Variants in VSNL1 observed in about 807,000 individuals in gnomAD.
VSNL1 encodes the protein visinin like 1.
In VSNL1, 6 loss-of-function variants were observed where a neutral mutation model predicts 20.4. The observed-to-expected ratio is 0.29, with a 90% confidence interval of 0.16 to 0.58. VSNL1 has a LOEUF of 0.58. Ranked by LOEUF, VSNL1 falls within the 20% of genes least tolerant of loss-of-function variation. VSNL1 has a pLI of 0.90. For missense variants in VSNL1, 100 were observed against 234.5 expected (o/e 0.43, Z 3.75); for synonymous variants, 93 against 86.4 (o/e 1.08, Z -0.42).
At chr2:17,566,400 T>C (rs1362168209) in intron 1 of VSNL1, among the ~76,000 whole-genome samples, 1 of 152,208 alleles carries the variant, frequency 6.6e-6, no homozygotes, top group African/African-American at 2.4e-5. Flanking sequence ...GCTCTACATC[T>C]TTGCAGTCAT....
At chr2:17,651,349 A>T (rs1207340714) in intron 3 of VSNL1, among the ~76,000 whole-genome samples, 3 of 152,088 alleles carry the variant, frequency 2.0e-5, no homozygotes, top group Non-Finnish European at 4.4e-5. Flanking sequence ...TGATTTGGGG[A>T]GGGTTCGGAG....
chr2:17,622,129 A>G (rs1665372804), intron 2 of VSNL1, among the ~76,000 whole-genome samples: 2 of 151,612 alleles, frequency 1.3e-5, no homozygotes, highest in Non-Finnish European at 2.9e-5. Flanking sequence ...ATCCAGAGGT[A>G]TTCCAAAGCA....
At chr2:17,620,187 G>A (rs1558302735) in intron 2 of VSNL1, among the ~76,000 whole-genome samples, 1 of 152,196 alleles carries the variant, frequency 6.6e-6, no homozygotes, top group South Asian at 2.1e-4. Flanking sequence ...TAATGTGTCC[G>A]TCAGGCAGAG....
At chr2:17,558,042 T>C (rs1475134888) in intron 1 of VSNL1, among the ~76,000 whole-genome samples, 2 of 151,750 alleles carry the variant, frequency 1.3e-5, no homozygotes, top group Non-Finnish European at 2.9e-5. Flanking sequence ...GGATTGGAGG[T>C]GAGATGAATT....
chr2:17,648,315 G>C (rs1666041918), intron 2 of VSNL1, among the ~76,000 whole-genome samples: 1 of 152,220 alleles, frequency 6.6e-6, no homozygotes, highest in Non-Finnish European at 1.5e-5. Context: ...GCAGGACCCA[G>C]GTCAGGATGC....
intron 1 of VSNL1, among the ~76,000 whole-genome samples, chr2:17,563,076 C>T (rs964933538): frequency 1.3e-5 from 2 of 151,362 alleles, no homozygotes; most frequent in African/African-American, 4.9e-5. Flanking sequence ...ACAACAACAA[C>T]AAAAAAAGGG....
At chr2:17,564,059 T>C (rs1027416528) in intron 1 of VSNL1, among the ~76,000 whole-genome samples, 7 of 152,158 alleles carry the variant, frequency 4.6e-5, no homozygotes, top group African/African-American at 1.7e-4. Flanking sequence ...GTTTAGGAAA[T>C]GTGTCAAGCA....
intron 2 of VSNL1, among the ~76,000 whole-genome samples, chr2:17,617,881 A>G (rs1054464739): frequency 1.5e-5 from 2 of 135,774 alleles, no homozygotes; most frequent in African/African-American, 5.3e-5. Flanking sequence ...GCACATGCAC[A>G]TGCACGCGCA....
At chr2:17,629,062 C>T (rs764025986) in intron 2 of VSNL1, among the ~76,000 whole-genome samples, 2 of 152,228 alleles carry the variant, frequency 1.3e-5, no homozygotes, top group South Asian at 4.1e-4. Context: ...ACAGCTAAAT[C>T]GCCTGTCTCT....
intron 1 of VSNL1, among the ~76,000 whole-genome samples, chr2:17,575,453 G>A (rs550783718): frequency 2.0e-5 from 3 of 152,124 alleles, no homozygotes; most frequent in South Asian, 2.1e-4. Flanking sequence ...TGTCACTCTA[G>A]ACTACTTACT....
intron 2 of VSNL1, among the ~76,000 whole-genome samples, chr2:17,643,809 C>T (rs1572219660): frequency 1.3e-5 from 2 of 152,160 alleles, no homozygotes; most frequent in East Asian, 3.9e-4. Flanking sequence ...AGCAAAGGAA[C>T]TTTCAGACCA....
chr2:17,592,350 G>T (rs1428932295), intron 2 of VSNL1, 114 bp downstream of exon 2: 2 of 1,150,644 alleles, frequency 1.7e-6, no homozygotes, highest in African/African-American at 3.1e-5. Context: ...TTCAACTCTG[G>T]CTGTTTTCCA....
At chr2:17,631,609 T>C (rs1441458324) in intron 2 of VSNL1, among the ~76,000 whole-genome samples, 4 of 152,218 alleles carry the variant, frequency 2.6e-5, no homozygotes, top group Non-Finnish European at 5.9e-5. Context: ...TAAAACACTT[T>C]AAGGTATTAA....
At chr2:17,576,226 C>T (rs1168942455) in intron 1 of VSNL1, among the ~76,000 whole-genome samples, 2 of 152,190 alleles carry the variant, frequency 1.3e-5, no homozygotes, top group Non-Finnish European at 2.9e-5. Context: ...CTTAGCGTAT[C>T]ATAAGTAATT....
At chr2:17,642,484 A>G (rs1665903200) in intron 2 of VSNL1, among the ~76,000 whole-genome samples, 1 of 151,614 alleles carries the variant, frequency 6.6e-6, no homozygotes, top group Middle Eastern at 3.2e-3. Flanking sequence ...AATTTTTTGT[A>G]TATTTAGTAG....
intron 1 of VSNL1, among the ~76,000 whole-genome samples, chr2:17,572,597 C>A (rs1457975020): frequency 6.6e-6 from 1 of 152,174 alleles, no homozygotes; most frequent in Non-Finnish European, 1.5e-5. Flanking sequence ...TTATTCATTT[C>A]TATTACTCCA....
At chr2:17,643,921 C>G (rs1159312499) in intron 2 of VSNL1, among the ~76,000 whole-genome samples, 2 of 152,132 alleles carry the variant, frequency 1.3e-5, no homozygotes, top group Admixed American at 6.5e-5. Flanking sequence ...GCCGGGGGAC[C>G]AGAAGCTGGA....
intron 1 of VSNL1, among the ~76,000 whole-genome samples, chr2:17,588,003 T>C (rs1467710509): frequency 6.6e-6 from 1 of 152,204 alleles, no homozygotes; most frequent in Non-Finnish European, 1.5e-5. Context: ...TCATTTGAAG[T>C]TCTCTTGTCC....
chr2:17,615,493 T>G (rs1010676256), intron 2 of VSNL1, among the ~76,000 whole-genome samples: 2 of 152,222 alleles, frequency 1.3e-5, no homozygotes, highest in African/African-American at 4.8e-5. Flanking sequence ...AAACCTCCTC[T>G]AACTCCCTTT....
Sources: gnomAD v4.1 joint callset for allele counts (sites outside exome capture counted in the v4.1 genomes callset) on GRCh38, gnomAD v4.1.1 for gene constraint, MANE v1.5 for transcripts, NCBI Gene and HGNC (gene_info 2026-07-23, HGNC 2026-07-21) for gene names.